The following KBTBD11 variants were observed in gnomAD, a reference collection of about 807,000 sequenced individuals.
KBTBD11 encodes the protein kelch repeat and BTB domain-containing protein 11.
For synonymous variants in KBTBD11, 747 were observed against 499.0 expected (o/e 1.50, Z -6.63); for missense variants, 1,390 against 1,001.8 (o/e 1.39, Z -5.23).
chr8:1,993,227 A>G (rs978487809), intron 1 of KBTBD11, among the ~76,000 whole-genome samples: 4 of 152,058 alleles, frequency 2.6e-5, no homozygotes, highest in African/African-American at 4.8e-5. Context: ...GATTACAGTC[A>G]TGAGCCACCA....
At chr8:1,980,919 T>C (rs1003202691) in intron 1 of KBTBD11, among the ~76,000 whole-genome samples, 6 of 152,206 alleles carry the variant, frequency 3.9e-5, no homozygotes. Flanking sequence ...TTTCATGGGA[T>C]TTGTGGAAAT....
chr8:2,001,456 G>GGAGGAGCTCGCGTCCCCT lies in KBTBD11; in HGVS notation c.272_289dup (p.Leu91_Glu96dup). On this transcript the variant is annotated inframe_insertion, in exon 2 of 2. Coordinates refer to ENST00000320248, the MANE Select transcript of KBTBD11 (RefSeq NM_014867.3). ...CCGGCAGCGCGGGCGCCGCGTCCCC[G>GGAGGAGCTCGCGTCCCCT]GAGGAGCTCGCGTCCCCTGAGGAGC... The GGAGGAGCTCGCGTCCCCT allele has an allele frequency of 7.3e-7, 1 of 1,362,024 alleles. No individual in the cohort carries two copies. Among genetic ancestry groups the GGAGGAGCTCGCGTCCCCT allele is most frequent in the South Asian group, 1.8e-5 (1 of 56,262 alleles). 84.4% of individuals were successfully genotyped at this position (1,362,024 alleles called of 1,614,324 possible). A position where few individuals can be genotyped will look rare whatever the true frequency, so the allele number is the denominator to read the frequency against.
At position 2,003,284 on chromosome 8, in the gene KBTBD11, T is replaced by C. The variant is rs1018593605; in HGVS notation, c.*220T>C. On this transcript the variant is annotated 3_prime_UTR_variant, in exon 2 of 2. Coordinates refer to ENST00000320248, the MANE Select transcript of KBTBD11 (RefSeq NM_014867.3). The stretch of plus-strand genomic sequence containing the variant: ...GGTGGATGCCTTGAGACCCAGGAGG[T>C]GTGCGGATGGGTCCCTTGACAGACA... The C allele has an allele frequency of 2.0e-5, 12 of 605,570 alleles. No individual in the cohort carries two copies. Among genetic ancestry groups the C allele is most frequent in the Non-Finnish European group, 2.9e-5 (12 of 409,158 alleles). 37.5% of individuals were successfully genotyped at this position (605,570 alleles called of 1,614,324 possible).
At chr8:1,984,381 C>T (rs576663523) in intron 1 of KBTBD11, among the ~76,000 whole-genome samples, 13 of 150,954 alleles carry the variant, frequency 8.6e-5, no homozygotes, top group South Asian at 4.2e-4. Context: ...CTCTGCCTCC[C>T]GGGTTCACGC....
Position 2,004,886 on chromosome 8 carries a change from T to G in KBTBD11, c.*1822T>G, listed in dbSNP as rs1358110180. The G allele has an allele frequency of 6.0e-6, 1 of 167,084 alleles. No individual in the cohort carries two copies. The highest frequency in any genetic ancestry group is 1.5e-5 in the Non-Finnish European group (1 of 68,124). 10.4% of individuals were successfully genotyped at this position (167,084 alleles called of 1,614,324 possible). On this transcript the variant is annotated 3_prime_UTR_variant, in exon 2 of 2. Coordinates refer to ENST00000320248, the MANE Select transcript of KBTBD11 (RefSeq NM_014867.3). The stretch of plus-strand genomic sequence containing the variant: ...ATGTACCATTCACACTGTCCTGCCT[T>G]TTCCTCTAGAATTTTATTAATGGTA...
At chr8:1,978,946 A>G (rs12678001) in intron 1 of KBTBD11, among the ~76,000 whole-genome samples, 89,096 of 151,982 alleles carry the variant, frequency 0.59, 27,061 homozygotes, top group East Asian at 0.82. Context: ...TTCCAAAGCA[A>G]TGAGAGACCC....
intron 1 of KBTBD11, among the ~76,000 whole-genome samples, chr8:1,994,406 G>C (rs1817055097): frequency 6.6e-6 from 1 of 152,222 alleles, no homozygotes; most frequent in Non-Finnish European, 1.5e-5. Flanking sequence ...GCTCAGCCCC[G>C]TGCATGGCTG....
Position 2,001,087 on chromosome 8 carries a change from C to G in KBTBD11, c.-106C>G, listed in dbSNP as rs1817325659. On this transcript the variant is annotated 5_prime_UTR_variant, in exon 2 of 2. Coordinates refer to ENST00000320248, the MANE Select transcript of KBTBD11 (RefSeq NM_014867.3). ...ACAGAAGTGAAATCTGATCGCGTGC[C>G]AGGAAAAGCTGTGAGGCTGGAAACC... 8.0e-7 allele frequency: 1 copy of G among 1,249,080 alleles called. No individual in the cohort carries two copies. The highest frequency in any genetic ancestry group is 1.0e-6 in the Non-Finnish European group (1 of 993,196). The allele number at this position is 1,249,080 out of a possible 1,614,324, so 77.4% of individuals were successfully genotyped here.
rs1817344963 is a variant in KBTBD11, at chr8:2,001,389, C to T, written c.197C>T (p.Pro66Leu). 4 of 1,435,686 alleles carry T rather than the reference C, an allele frequency of 2.8e-6. No homozygotes were observed. The highest frequency in any genetic ancestry group is 1.5e-5 in the African/African-American group (1 of 67,112). The allele number at this position is 1,435,686 out of a possible 1,614,324, so 88.9% of individuals were successfully genotyped here. Residue 66 changes from proline to leucine, a missense_variant, in exon 2 of 2, where the codon CCC becomes CTC. Pro to Leu is a moderately conservative substitution (Grantham distance 98). Transcript: ENST00000320248. ...GCGGAAGGCGCGGCCACCTCCCCGCCCTCCAGCGGTGGCCCGCGGGTGGTG... is the reference window on the plus strand; with the variant it reads ...GCGGAAGGCGCGGCCACCTCCCCGCTCTCCAGCGGTGGCCCGCGGGTGGTG... ...SAAEGAATSP[P>L]SSGGPRVVER...
In KBTBD11 at chr8:1,975,740, G is replaced by T. The variant is rs117259946; in HGVS notation, c.-909+1805G>T. 1.4e-4 allele frequency among the ~76,000 whole-genome samples: 21 copies of T among 152,318 alleles called. No individual in the cohort carries two copies. The South Asian group carries it at 4.1e-3, about 30-fold the overall frequency. ...AGACTAAAGAAATTCCCAGGGAGCA[G>T]GACTCTGTGTTGACTGATGTCTGGG... On this transcript the variant is annotated intron_variant, in intron 1 of 1. Coordinates refer to ENST00000320248, the MANE Select transcript of KBTBD11 (RefSeq NM_014867.3).
Position 2,000,722 on chromosome 8 carries a change from G to A in KBTBD11, c.-471G>A, listed in dbSNP as rs3824143. 0.51 allele frequency: 77,724 copies of A among 153,750 alleles called. 19,937 individuals carry two copies. The highest frequency in any genetic ancestry group is 0.77 in the East Asian group (4,077 of 5,284). The allele number at this position is 153,750 out of a possible 1,614,324, so 9.5% of individuals were successfully genotyped here. ...GAGAGCGAGGGCGCACCCAATACCTGGTTATCTGGTACTGCAGAGAGACAC... is the reference window on the plus strand; with the variant it reads ...GAGAGCGAGGGCGCACCCAATACCTAGTTATCTGGTACTGCAGAGAGACAC... On this transcript the variant is annotated 5_prime_UTR_variant, in exon 2 of 2. Coordinates refer to ENST00000320248, the MANE Select transcript of KBTBD11 (RefSeq NM_014867.3).
chr8:1,980,110 G>T (rs1223192014), intron 1 of KBTBD11, among the ~76,000 whole-genome samples: 1 of 152,030 alleles, frequency 6.6e-6, no homozygotes, highest in African/African-American at 2.4e-5. Context: ...AGAATCCCCT[G>T]TCTAAGTATG....
rs567567867 is a variant in KBTBD11 at position 1,991,973 on chromosome 8, C to T, written c.-908-8312C>T. On this transcript the variant is annotated intron_variant, in intron 1 of 1. Transcript: ENST00000320248. ...GGTAGACACACAGGGAGGTAGGCGT[C>T]ATGCACGAGGAAGTGCCAGAGATGG... Among the ~76,000 whole-genome samples the T allele has an allele frequency of 5.1e-3, 783 of 152,216 alleles. 5 individuals are homozygous for T. The highest frequency in any genetic ancestry group is 8.6e-3 in the Non-Finnish European group (582 of 68,028).
intron 1 of KBTBD11, among the ~76,000 whole-genome samples, chr8:1,977,691 T>C (rs1010436024): frequency 2.0e-5 from 1 of 49,020 alleles, no homozygotes; most frequent in African/African-American, 1.5e-4. Flanking sequence ...ACCCAACTTA[T>C]TTATTTATTT....
chr8:1,987,418 A>G lies in KBTBD11; in HGVS notation c.-908-12867A>G, dbSNP rs547453622. Among the ~76,000 whole-genome samples, 4 of 152,208 alleles carry G rather than the reference A, an allele frequency of 2.6e-5. No individual in the cohort carries two copies. The East Asian group carries it at 7.7e-4, about 29-fold the overall frequency. ...TTTTTGTAGAAAAGGACACAAAGCA[A>G]TCTTTCTAAAACCCAAGACTGATCA... On this transcript the variant is annotated intron_variant, in intron 1 of 1. Coordinates refer to ENST00000320248, the MANE Select transcript of KBTBD11 (RefSeq NM_014867.3).
chr8:1,993,418 CATCCACCCACCCACCCATCCATCCATCT>C (rs1336391069), intron 1 of KBTBD11, among the ~76,000 whole-genome samples: 50 of 107,202 alleles, frequency 4.7e-4, no homozygotes, highest in African/African-American at 1.6e-3. Flanking sequence ...TCCATCCATC[CATCCACCCACCCACCCATCCATCCATCT>C]ATCCATCCAA....
At chr8:1,988,194 G>A (rs151091614) in intron 1 of KBTBD11, among the ~76,000 whole-genome samples, 3,005 of 152,226 alleles carry the variant, frequency 0.02, 101 homozygotes, top group African/African-American at 0.066. Flanking sequence ...ATAAACATAC[G>A]TGTGCATGTG....
chr8:1,984,001 G>A (rs138343943), intron 1 of KBTBD11, among the ~76,000 whole-genome samples: 6 of 152,196 alleles, frequency 3.9e-5, no homozygotes, highest in African/African-American at 1.4e-4. Context: ...GTGGTGGCAG[G>A]CACCTTTAGT....
intron 1 of KBTBD11, among the ~76,000 whole-genome samples, chr8:1,985,699 C>T (rs1456175777): frequency 6.6e-6 from 1 of 152,230 alleles, no homozygotes; most frequent in Non-Finnish European, 1.5e-5. Context: ...TGGCTCATGC[C>T]TGTGAATCTC....
Sources: gnomAD v4.1 joint callset for allele counts (sites outside exome capture counted in the v4.1 genomes callset) on GRCh38, gnomAD v4.1.1 for gene constraint, MANE v1.5 for transcripts, NCBI Gene and HGNC (gene_info 2026-07-23, HGNC 2026-07-21) for gene names.